The following ADGRE2 variants were observed in gnomAD, a reference collection of about 807,000 sequenced individuals.
ADGRE2 encodes CD97 antigen.
In ADGRE2, 83 loss-of-function variants were observed where a neutral mutation model predicts 100.8. The ratio of observed to expected loss-of-function variants is 0.82; its 90% CI spans 0.69 to 0.99. The LOEUF is 0.99. ADGRE2 is among the 50% of genes least tolerant of loss of function. The probability of loss-of-function intolerance (pLI) is 0.00; values close to 1 mark genes in which losing one functional copy is unlikely to be tolerated. For missense variants in ADGRE2, 814 were observed against 1,035.7 expected, an observed-to-expected ratio of 0.79 and a Z score of 2.94; for synonymous variants, 355 against 413.0, an observed-to-expected ratio of 0.86 and a Z score of 1.70.
intron 11 of ADGRE2, among the ~76,000 whole-genome samples, chr19:14,759,341 G>C (rs1286182503): frequency 6.6e-6 from 1 of 151,962 alleles, no homozygotes; most frequent in East Asian, 1.9e-4. Context: ...TTGGGGGCTG[G>C]TTTTTATTAA....
At chr19:14,728,287 C>T (rs2042646556), downstream of ADGRE2, among the ~76,000 whole-genome samples, 1 of 152,140 alleles carries the variant, frequency 6.6e-6, no homozygotes, top group Non-Finnish European at 1.5e-5. Flanking sequence ...TGAGATAATT[C>T]TTCGAATATT....
At chr19:14,767,654 C>T (rs945700875) in intron 5 of ADGRE2, among the ~76,000 whole-genome samples, 2 of 152,200 alleles carry the variant, frequency 1.3e-5, no homozygotes, top group African/African-American at 4.8e-5. Flanking sequence ...TCCCCTGCCT[C>T]CCTGGGCAGC....
chr19:14,754,572 T>C (rs2043423594), intron 14 of ADGRE2, among the ~76,000 whole-genome samples: 1 of 152,146 alleles, frequency 6.6e-6, no homozygotes, highest in South Asian at 2.1e-4. Context: ...TTTTTCCTTG[T>C]CCTCCAGATA....
chr19:14,733,136 A>G lies in ADGRE2; in HGVS notation c.*3100T>C, dbSNP rs1386175748. On this transcript the variant is annotated 3_prime_UTR_variant, in exon 21 of 21. Transcript: ENST00000315576. ...GCAGAATCCCATGCACCCATCATGT[A>G]TGTAATAAAAGGCAGATATTATGTG... 1 of 152,188 alleles carries G rather than the reference A, an allele frequency of 6.6e-6. No homozygotes were observed. The highest frequency in any genetic ancestry group is 2.4e-5 in the African/African-American group (1 of 41,430). The allele number at this position is 152,188 out of a possible 1,614,324, so 9.4% of individuals were successfully genotyped here.
At position 14,760,061 on chromosome 19, in the gene ADGRE2, T is replaced by C. The variant is rs552450908; in HGVS notation, c.1085-3716A>G. On this transcript the variant is annotated intron_variant, in intron 11 of 20. Transcript: ENST00000315576. ...TGTCGATCTCCTGACCTCGTGATCC[T>C]CCCACCTCGGCCTCCCAAAGTGCTG... 9.9e-5 allele frequency among the ~76,000 whole-genome samples: 15 copies of C among 150,858 alleles called. No individual in the cohort carries two copies. In the East Asian group the frequency reaches 3.0e-3, roughly 30 times the overall value.
chr19:14,744,971 C>G (rs1935612401), intron 18 of ADGRE2, among the ~76,000 whole-genome samples: 1 of 151,976 alleles, frequency 6.6e-6, no homozygotes, highest in African/African-American at 2.4e-5. Flanking sequence ...CTCACTGCAA[C>G]CTCTGCCTCT....
At chr19:14,759,504 T>TATATATATATATATATATATA (rs1555786067) in intron 11 of ADGRE2, among the ~76,000 whole-genome samples, 41 of 70,930 alleles carry the variant, frequency 5.8e-4, no homozygotes, top group African/African-American at 1.7e-3. Flanking sequence ...TATATATATA[T>TATATATATATATATATATATA]TTTTTTTTTT....
the ADGRE2 span, among the ~76,000 whole-genome samples, chr19:14,725,571 G>A: frequency 3.3e-5 from 5 of 152,354 alleles, no homozygotes; most frequent in African/African-American, 1.2e-4. Context: ...TCCAAGAGAA[G>A]ATGGTGGTAT....
At chr19:14,767,785 A>C (rs2044046849) in intron 5 of ADGRE2, among the ~76,000 whole-genome samples, 1 of 152,204 alleles carries the variant, frequency 6.6e-6, no homozygotes, top group South Asian at 2.1e-4. Context: ...CTTGGTTCCC[A>C]GTGGCAGTCC....
chr19:14,761,518 G>C (rs2098009), intron 11 of ADGRE2, among the ~76,000 whole-genome samples: 67,624 of 151,838 alleles, frequency 0.45, 16,448 homozygotes, highest in African/African-American at 0.64. Context: ...GAAGTCCTGG[G>C]TAAGTCTTTC....
intron 2 of ADGRE2, among the ~76,000 whole-genome samples, chr19:14,775,804 A>G (rs570814994): frequency 6.7e-6 from 1 of 150,278 alleles, no homozygotes; most frequent in South Asian, 2.1e-4. Context: ...GGTTGCAGCA[A>G]GCTGAGATCG....
chr19:14,767,892 T>G (rs1401161815), intron 5 of ADGRE2, among the ~76,000 whole-genome samples: 3 of 152,224 alleles, frequency 2.0e-5, no homozygotes, highest in Non-Finnish European at 4.4e-5. Flanking sequence ...AGGCAGGTTT[T>G]CAGCTTCTGC....
chr19:14,731,283 T>A, downstream of ADGRE2: 1 of 1,217,910 alleles, frequency 8.2e-7, no homozygotes, highest in Non-Finnish European at 1.2e-6. Flanking sequence ...GCTTGAAGAC[T>A]CCAAATCTGC....
chr19:14,738,503 C>T (rs62122593), intron 20 of ADGRE2, among the ~76,000 whole-genome samples: 7,773 of 152,086 alleles, frequency 0.051, 231 homozygotes, highest in Middle Eastern at 0.071. Flanking sequence ...CTTAGCCTCC[C>T]GGTAGCTGGG....
At chr19:14,736,364 C>A in intron 20 of ADGRE2, 120 bp from the exon 21 acceptor site, 1 of 607,006 alleles carries the variant, frequency 1.6e-6, no homozygotes, top group Non-Finnish European at 2.9e-6. Flanking sequence ...CAGGTTCAAG[C>A]AATTCTCCTG....
chr19:14,766,423 C>A (rs1341753793), intron 6 of ADGRE2, 42 bp from the exon 7 acceptor site: 2 of 1,556,764 alleles, frequency 1.3e-6, no homozygotes, highest in African/African-American at 1.4e-5. Flanking sequence ...CCCTGACCAG[C>A]CTGGGCCTGC....
rs60789454 is a variant in ADGRE2 at position 14,759,503 on chromosome 19, A to ATATATATTTTTTT, written c.1085-3159_1085-3158insAAAAAAATATATA. Among the ~76,000 whole-genome samples, 136 of 133,366 alleles carry ATATATATTTTTTT rather than the reference A, an allele frequency of 1.0e-3. 1 individual carries two copies. The highest frequency in any genetic ancestry group is 3.6e-3 in the African/African-American group (122 of 33,666). 87.5% of individuals were successfully genotyped at this position (133,366 alleles called of 152,430 possible). On this transcript the variant is annotated intron_variant, in intron 11 of 20. Transcript: ENST00000315576. ...ATAAGTTATACATATATATATATAT[A>ATATATATTTTTTT]TTTTTTTTTTTTAGACGGAGTCTCA...
intron 16 of ADGRE2, among the ~76,000 whole-genome samples, chr19:14,748,941 C>T (rs1360049939): frequency 6.6e-6 from 1 of 151,982 alleles, no homozygotes; most frequent in Admixed American, 6.6e-5. Flanking sequence ...TATACCCTGA[C>T]CAGGTGGTAA....
Position 14,764,489 on chromosome 19 carries a change from C to G in ADGRE2, c.1028G>C (p.Gly343Ala). ...LLDGLEDVLR[G>A]LSKNLSNGLL... ...CCCATTGGAAAGGTTCTTGCTCAGG[C>G]CTCTGAGGACATCCTCTAGGCCATC... is the stretch of plus-strand genomic sequence containing the variant. The change falls in exon 11 of 21, where the codon GGC becomes GCC. Residue 343 changes from glycine to alanine, a missense_variant. By Grantham distance (60) the Gly-to-Ala change is moderately conservative. Around this residue, in one of 5 missense-constraint regions of ADGRE2, gnomAD observed 569 missense variants for 692.7 expected, o/e 0.82. Transcript: ENST00000315576. 6.2e-7 allele frequency: 1 copy of G among 1,613,116 alleles called. No homozygotes were observed. Among genetic ancestry groups the G allele is most frequent in the Non-Finnish European group, 8.5e-7 (1 of 1,179,982 alleles).
Sources: gnomAD v4.1 joint callset for allele counts (sites outside exome capture counted in the v4.1 genomes callset) on GRCh38, gnomAD v4.1.1 for gene constraint, gnomAD v4.1.1 regional missense constraint, MANE v1.5 for transcripts, NCBI Gene and HGNC (gene_info 2026-07-23, HGNC 2026-07-21) for gene names.